GET4: variants seen among roughly 807,000 people sequenced by gnomAD.
GET4 encodes Golgi to ER traffic protein 4 homolog.
In GET4, 20 loss-of-function variants were observed where a neutral mutation model predicts 40.0. The ratio of observed to expected loss-of-function variants is 0.50; its 90% CI spans 0.35 to 0.73. The LOEUF (loss-of-function observed/expected upper bound fraction) is 0.73. Ranked by LOEUF, GET4 falls within the 30% of genes least tolerant of loss-of-function variation. The pLI, the probability that GET4 is intolerant of heterozygous loss-of-function variation, is 0.01. For synonymous variants in GET4, 280 were observed against 194.6 expected (o/e 1.44, Z -3.65); for missense variants, 557 against 454.0 (o/e 1.23, Z -2.06).
intron 1 of GET4, chr7:878,038 C>T (rs937476232): frequency 3.8e-6 from 1 of 263,730 alleles, no homozygotes. Context: ...TGGCGTTCCT[C>T]TCACCGAGGG....
At chr7:883,168 C>T (rs1185700387) in intron 1 of GET4, 1 of 152,264 alleles carries the variant, frequency 6.6e-6, no homozygotes, top group African/African-American at 2.4e-5. Context: ...CAGAGCAGGC[C>T]TCAGCCCTCC....
At chr7:893,297 C>T (rs1374213919) in intron 6 of GET4, among the ~76,000 whole-genome samples, 20 of 46,272 alleles carry the variant, frequency 4.3e-4, no homozygotes, top group African/African-American at 1.3e-3. Flanking sequence ...GTGTTGGGCG[C>T]GGGCGCGGTG....
At chr7:894,878 CCT>C (rs1367708091) in intron 8 of GET4, among the ~76,000 whole-genome samples, 1 of 152,182 alleles carries the variant, frequency 6.6e-6, no homozygotes, top group East Asian at 1.9e-4. Context: ...GCAGTTGGCC[CCT>C]GTGGGAGCAG....
intron 4 of GET4, 94 bp from the exon 5 acceptor site, chr7:890,834 G>C: frequency 9.6e-7 from 1 of 1,045,888 alleles, no homozygotes; most frequent in Non-Finnish European, 1.5e-6. Flanking sequence ...GGGCGGGCAG[G>C]TGGGCTAGAA....
At chr7:886,964 G>A in intron 3 of GET4, 1 of 517,206 alleles carries the variant, frequency 1.9e-6, no homozygotes, top group South Asian at 2.0e-5. Context: ...ACTTTGGCTT[G>A]TCGGCCTGTC....
chr7:886,646 G>A lies in GET4; in HGVS notation c.312G>A (p.Leu104=). ...CGGAAGTGGAGGTGGCTGACGAGCT[G>A]CTGGGTGAGCATCCGGCCCTTCACC... The part of the protein sequence containing the change: ...EKAEVEVADE[L]LENLAKVFSL... Residue 104 remains leucine, a synonymous_variant, in exon 3 of 9, where the codon CTG becomes CTA. Coordinates refer to ENST00000265857, the MANE Select transcript of GET4 (RefSeq NM_015949.3). The A allele has an allele frequency of 3.7e-6, 6 of 1,608,464 alleles. No homozygotes were observed. Among genetic ancestry groups the A allele is most frequent in the Non-Finnish European group, 2.6e-6 (3 of 1,176,182 alleles).
intron 3 of GET4, chr7:886,908 C>T (rs1844200674): frequency 1.8e-6 from 1 of 554,036 alleles, no homozygotes; most frequent in East Asian, 3.1e-5. Flanking sequence ...CTCTCCACTG[C>T]TCCGATGGAC....
In GET4 at chr7:895,339, C is replaced by A; in HGVS notation, c.901C>A (p.Leu301Ile). 4 of 1,558,512 alleles carry A rather than the reference C, an allele frequency of 2.6e-6. No homozygotes were observed. The highest frequency in any genetic ancestry group is 2.6e-6 in the Non-Finnish European group (3 of 1,133,492). The change falls in exon 9 of 9, where the codon CTT becomes ATT. Residue 301 changes from leucine to isoleucine, a missense_variant. By Grantham distance (5) the Leu-to-Ile change is conservative. Transcript: ENST00000265857. ...TSSYGGLLGN[L>I]LTSLMGSSEQ... Reference sequence around the variant, plus strand: ...CACGGTGTTCTTCTTTCCAGGGAACCTTCTGACCAGCCTCATGGGCTCCTC... The same window carrying A: ...CACGGTGTTCTTCTTTCCAGGGAACATTCTGACCAGCCTCATGGGCTCCTC...
chr7:885,783 T>C (rs1844175403), intron 1 of GET4: 2 of 443,750 alleles, frequency 4.5e-6, no homozygotes, highest in Admixed American at 3.9e-5. Flanking sequence ...CTGAAACCGG[T>C]GAGCTGCTCC....
In GET4 at chr7:893,027, AGGCGTGTGTGCAGGTGAGTGTTGGGTGTG is replaced by A. The variant is rs1487037476; in HGVS notation, c.746+616_746+644del. On this transcript the variant is annotated intron_variant, in intron 6 of 8. Transcript: ENST00000265857. ...GGTGGTGTTTGCAGGTGAGGGGTGT[AGGCGTGTGTGCAGGTGAGTGTTGGGTGTG>A]GGCGTGGTGGTGTGTGCAGGCGAGT... 2.1e-4 allele frequency among the ~76,000 whole-genome samples: 18 copies of A among 87,308 alleles called. No homozygotes were observed. The East Asian group carries it at 6.8e-3, about 33-fold the overall frequency. The allele number at this position is 87,308 out of a possible 152,430, so 57.3% of individuals were successfully genotyped here. A position where few individuals can be genotyped will look rare whatever the true frequency, so the allele number is the denominator to read the frequency against.
chr7:892,687 G>A (rs1224172369), intron 6 of GET4, among the ~76,000 whole-genome samples: 9 of 151,690 alleles, frequency 5.9e-5, no homozygotes, highest in African/African-American at 9.7e-5. Flanking sequence ...TTGGGCCTCT[G>A]GTAGTGTGGG....
intron 2 of GET4, 54 bp from the exon 3 acceptor site, chr7:886,515 C>A: frequency 2.2e-6 from 3 of 1,344,984 alleles, no homozygotes; most frequent in Non-Finnish European, 3.2e-6. Flanking sequence ...TCTTTGCTGT[C>A]CTGAACAGGT....
At chr7:892,251 C>G in intron 5 of GET4, 27 bp from the exon 6 acceptor site, 9 of 1,582,548 alleles carry the variant, frequency 5.7e-6, no homozygotes, top group Non-Finnish European at 7.8e-6. Flanking sequence ...TCCAGCCCTT[C>G]CACCACCAGC....
At chr7:884,134 A>G (rs1194441901) in intron 1 of GET4, 1 of 1,242,472 alleles carries the variant, frequency 8.0e-7, no homozygotes, top group Non-Finnish European at 1.0e-6. Context: ...TTTACCTCAG[A>G]TAGAAGCATC....
intron 4 of GET4, among the ~76,000 whole-genome samples, chr7:889,130 G>A (rs749927103): frequency 3.9e-5 from 6 of 152,262 alleles, no homozygotes; most frequent in Admixed American, 6.5e-5. Context: ...GGTTGAGGCC[G>A]TCCAGGGAGT....
At chr7:894,262 T>C (rs997078619) in intron 8 of GET4, among the ~76,000 whole-genome samples, 3 of 152,044 alleles carry the variant, frequency 2.0e-5, no homozygotes, top group African/African-American at 7.3e-5. Flanking sequence ...CCCGTCTCTC[T>C]GTGCGCCATG....
intron 1 of GET4, chr7:884,403 C>G: frequency 7.8e-7 from 1 of 1,277,592 alleles, no homozygotes; most frequent in South Asian, 1.3e-5. Context: ...GGGTGGGTCT[C>G]CCTCCAGAAC....
chr7:878,588 T>C (rs1434180455), intron 1 of GET4, among the ~76,000 whole-genome samples: 1 of 151,284 alleles, frequency 6.6e-6, no homozygotes, highest in Non-Finnish European at 1.5e-5. Flanking sequence ...TTTTTTTTTT[T>C]TTTGCGACGG....
At position 876,742 on chromosome 7, in the gene GET4, A is replaced by G. The variant is rs1384548779; in HGVS notation, c.97A>G (p.Ser33Gly). Residue 33 changes from serine to glycine, a missense_variant, in exon 1 of 9, where the codon AGC becomes GGC. Transcript: ENST00000265857. ...VQRVEGKLRA[S>G]VEKGDYYEAH... The stretch of plus-strand genomic sequence containing the variant: ...GCGTGTGGAGGGCAAGCTGCGCGCC[A>G]GCGTCGAGAAGGGCGACTACTACGA... The G allele has an allele frequency of 1.5e-6, 2 of 1,373,218 alleles. No individual in the cohort carries two copies. Among genetic ancestry groups the G allele is most frequent in the East Asian group, 3.5e-5 (1 of 28,508 alleles). The allele number at this position is 1,373,218 out of a possible 1,614,324, so 85.1% of individuals were successfully genotyped here.
Sources: gnomAD v4.1 joint callset for allele counts (sites outside exome capture counted in the v4.1 genomes callset) on GRCh38, gnomAD v4.1.1 for gene constraint, MANE v1.5 for transcripts, NCBI Gene and HGNC (gene_info 2026-07-23, HGNC 2026-07-21) for gene names.